ITGA9: variants seen among roughly 807,000 people sequenced by gnomAD.
ITGA9 encodes the protein integrin alpha-9.
Under a neutral mutation model 127.8 loss-of-function variants are expected in ITGA9, and 56 were observed. The ratio of observed to expected loss-of-function variants is 0.44; its 90% CI spans 0.35 to 0.55. The LOEUF (loss-of-function observed/expected upper bound fraction) is 0.55, where lower values mean the gene tolerates loss of function less well. ITGA9 is among the 20% of genes least tolerant of loss of function. The pLI, the probability that ITGA9 is intolerant of heterozygous loss-of-function variation, is 0.00. For synonymous variants in ITGA9, 508 were observed against 514.5 expected, an observed-to-expected ratio of 0.99 and a Z score of 0.17; for missense variants, 1,196 against 1,347.1, an observed-to-expected ratio of 0.89 and a Z score of 1.76.
chr3:37,627,261 C>G (rs1380026713), intron 15 of ITGA9, among the ~76,000 whole-genome samples: 1 of 152,176 alleles, frequency 6.6e-6, no homozygotes, highest in Non-Finnish European at 1.5e-5. Context: ...GGGCTCCCAC[C>G]CCGGGAGTCA....
Position 37,819,715 on chromosome 3 carries a change from C to T in ITGA9, c.*726C>T, listed in dbSNP as rs888547929. 1 of 152,364 alleles carries T rather than the reference C, an allele frequency of 6.6e-6. No individual in the cohort carries two copies. The highest frequency in any genetic ancestry group is 1.5e-5 in the Non-Finnish European group (1 of 68,202). 9.4% of individuals were successfully genotyped at this position (152,364 alleles called of 1,614,324 possible). On this transcript the variant is annotated 3_prime_UTR_variant, in exon 28 of 28. Coordinates refer to ENST00000264741, the MANE Select transcript of ITGA9 (RefSeq NM_002207.3). Reference sequence around the variant, plus strand: ...AAGAATTTGGATGGAAAACCTGATCCCTAGCAAGAAGTCTGCTCTGTATCA... The same window carrying T: ...AAGAATTTGGATGGAAAACCTGATCTCTAGCAAGAAGTCTGCTCTGTATCA...
At chr3:37,804,350 C>T (rs1413163015) in intron 27 of ITGA9, among the ~76,000 whole-genome samples, 1 of 152,158 alleles carries the variant, frequency 6.6e-6, no homozygotes, top group African/African-American at 2.4e-5. Context: ...GATTTCTGAC[C>T]AGAAAACTTG....
chr3:37,479,775 C>T (rs1698532937), intron 3 of ITGA9, among the ~76,000 whole-genome samples: 1 of 152,142 alleles, frequency 6.6e-6, no homozygotes. Context: ...CTCAGAATTC[C>T]TGGATTCCAG....
chr3:37,689,420 C>T (rs191295261), intron 18 of ITGA9, among the ~76,000 whole-genome samples: 23 of 152,270 alleles, frequency 1.5e-4, no homozygotes, highest in Admixed American at 1.2e-3. Context: ...TGCTGGCTGG[C>T]GTGTGCTGTC....
intron 4 of ITGA9, among the ~76,000 whole-genome samples, chr3:37,490,686 G>A (rs1439863340): frequency 1.3e-5 from 2 of 152,118 alleles, no homozygotes; most frequent in African/African-American, 2.4e-5. Flanking sequence ...TCCATGCATT[G>A]AGTTGCGGAT....
At chr3:37,473,136 C>CAAAAA (rs36109791) in intron 2 of ITGA9, among the ~76,000 whole-genome samples, 141 of 70,660 alleles carry the variant, frequency 2.0e-3, no homozygotes, top group Non-Finnish European at 2.2e-3. Flanking sequence ...GAGACTGTCT[C>CAAAAA]AAAAAAAAAA....
intron 1 of ITGA9, among the ~76,000 whole-genome samples, chr3:37,454,947 C>T (rs1385005439): frequency 2.6e-5 from 4 of 152,178 alleles, no homozygotes; most frequent in African/African-American, 9.7e-5. Context: ...TTTCTTTCCT[C>T]TAGAGGCTAG....
At chr3:37,482,264 A>G (rs1698565397) in intron 4 of ITGA9, among the ~76,000 whole-genome samples, 2 of 152,184 alleles carry the variant, frequency 1.3e-5, no homozygotes, top group East Asian at 3.8e-4. Context: ...GCGCATCCTG[A>G]ATGTGGTTTT....
chr3:37,776,460 C>T (rs1011668399), intron 23 of ITGA9, among the ~76,000 whole-genome samples: 3 of 152,212 alleles, frequency 2.0e-5, no homozygotes, highest in African/African-American at 7.2e-5. Context: ...TAACAGATGC[C>T]TGTGGTTAGC....
At position 37,618,156 on chromosome 3, in the gene ITGA9, C is replaced by T. The variant is rs576692538; in HGVS notation, c.1690-11031C>T. 3.3e-5 allele frequency among the ~76,000 whole-genome samples: 5 copies of T among 152,278 alleles called. No individual in the cohort carries two copies. The South Asian group carries it at 1.0e-3, about 32-fold the overall frequency. On this transcript the variant is annotated intron_variant, in intron 15 of 27. Coordinates refer to ENST00000264741, the MANE Select transcript of ITGA9 (RefSeq NM_002207.3). Reference sequence around the variant, plus strand: ...TGGGGTTTTGGTGTGGATGTGCTTTCTGTTTGTTAGGTTTCCTTCTAACAG... The same window carrying T: ...TGGGGTTTTGGTGTGGATGTGCTTTTTGTTTGTTAGGTTTCCTTCTAACAG...
At chr3:37,554,690 G>A (rs550909276) in intron 15 of ITGA9, among the ~76,000 whole-genome samples, 1 of 152,000 alleles carries the variant, frequency 6.6e-6, no homozygotes, top group Non-Finnish European at 1.5e-5. Flanking sequence ...TTTTGAAGGG[G>A]GATCCTACAG....
intron 18 of ITGA9, among the ~76,000 whole-genome samples, chr3:37,710,138 G>A (rs1170174592): frequency 6.6e-6 from 1 of 152,236 alleles, no homozygotes; most frequent in Non-Finnish European, 1.5e-5. Context: ...ATTGGCCACA[G>A]CCATGTGCGT....
chr3:37,514,028 A>G (rs1473613823), intron 9 of ITGA9, 128 bp downstream of exon 9: 2 of 1,132,182 alleles, frequency 1.8e-6, no homozygotes, highest in East Asian at 4.7e-5. Context: ...AAAATATGTG[A>G]TATCTGTCTT....
chr3:37,730,524 C>T (rs981645962), intron 18 of ITGA9, among the ~76,000 whole-genome samples: 2 of 152,134 alleles, frequency 1.3e-5, no homozygotes, highest in African/African-American at 2.4e-5. Flanking sequence ...TAAGAGCAGC[C>T]CTCACACTTG....
intron 26 of ITGA9, among the ~76,000 whole-genome samples, chr3:37,787,774 A>G (rs1433105909): frequency 6.6e-6 from 1 of 152,222 alleles, no homozygotes; most frequent in Non-Finnish European, 1.5e-5. Context: ...CCAAATTTAA[A>G]TTAGGCAAAG....
chr3:37,776,756 G>A (rs1000352224), intron 23 of ITGA9, among the ~76,000 whole-genome samples: 1 of 152,154 alleles, frequency 6.6e-6, no homozygotes, highest in Non-Finnish European at 1.5e-5. Context: ...CCAAGAGCTC[G>A]GCAAGCATGC....
At chr3:37,490,683 A>C (rs1698660416) in intron 4 of ITGA9, among the ~76,000 whole-genome samples, 1 of 152,152 alleles carries the variant, frequency 6.6e-6, no homozygotes, top group African/African-American at 2.4e-5. Context: ...GGCTCCATGC[A>C]TTGAGTTGCG....
chr3:37,624,809 GT>G (rs71635847), intron 15 of ITGA9, among the ~76,000 whole-genome samples: 11,316 of 152,084 alleles, frequency 0.074, 487 homozygotes, highest in South Asian at 0.17. Context: ...GTTTCACCAC[GT>G]TGGCCAGGCT....
Position 37,647,636 on chromosome 3 carries a change from C to G in ITGA9, c.1840-6078C>G, listed in dbSNP as rs570508084. 3.1e-3 allele frequency among the ~76,000 whole-genome samples: 469 copies of G among 152,196 alleles called. 12 individuals carry two copies. In the South Asian group the frequency reaches 0.072, roughly 23 times the overall value. ...TCTCCCCATTCCCTACTCCCTACCC[C>G]CTCCCCGACCCCTGGTAACTATCAG... On this transcript the variant is annotated intron_variant, in intron 16 of 27. Transcript: ENST00000264741.
Sources: allele counts gnomAD v4.1 joint callset (sites outside exome capture counted in the v4.1 genomes callset), GRCh38; gene constraint gnomAD v4.1.1; transcripts MANE v1.5; gene names NCBI Gene and HGNC (gene_info 2026-07-23, HGNC 2026-07-21).